The following MAP3K3 variants were observed in gnomAD, a reference collection of about 807,000 sequenced individuals.
MAP3K3 encodes MAP/ERK kinase kinase 3.
In MAP3K3, 12 loss-of-function variants were observed where a neutral mutation model predicts 80.9. The ratio of observed to expected loss-of-function variants is 0.15; its 90% CI spans 0.10 to 0.24. The LOEUF (loss-of-function observed/expected upper bound fraction) is 0.24, where lower values mean the gene tolerates loss of function less well. Ranked by LOEUF, MAP3K3 falls within the 10% of genes least tolerant of loss-of-function variation. The pLI, the probability that MAP3K3 is intolerant of heterozygous loss-of-function variation, is 1.00. For synonymous variants in MAP3K3, 272 were observed against 307.1 expected (o/e 0.89, Z 1.19); for missense variants, 596 against 834.7 (o/e 0.71, Z 3.52).
At chr17:63,640,397 AGT>A (rs1243311448) in intron 2 of MAP3K3, among the ~76,000 whole-genome samples, 1 of 152,098 alleles carries the variant, frequency 6.6e-6, no homozygotes, top group Non-Finnish European at 1.5e-5. Context: ...AAACCTCAAG[AGT>A]GTGTGAGGTA....
At position 63,690,259 on chromosome 17, in the gene MAP3K3, T is replaced by C. The variant is rs1288360786; in HGVS notation, c.1064-5T>C. 1 of 1,613,382 alleles carries C rather than the reference T, an allele frequency of 6.2e-7. No homozygotes were observed. The highest frequency in any genetic ancestry group is 1.1e-5 in the South Asian group (1 of 90,994). On this transcript the variant is annotated splice_region_variant and splice_polypyrimidine_tract_variant and intron_variant, in intron 11 of 15. Transcript: ENST00000361733. The stretch of plus-strand genomic sequence containing the variant: ...AAGTAACTCTTTCCTTCTGCTCTCC[T>C]GTAGCTCCCAGTGCCCCCATCAACT...
At chr17:63,647,243 GT>G (rs1236191354) in intron 3 of MAP3K3, among the ~76,000 whole-genome samples, 5 of 152,204 alleles carry the variant, frequency 3.3e-5, no homozygotes, top group African/African-American at 1.2e-4. Context: ...TCCTATGTGA[GT>G]TCCAGGCCTG....
intron 2 of MAP3K3, chr17:63,634,719 A>T: frequency 6.2e-7 from 1 of 1,613,054 alleles, no homozygotes; most frequent in South Asian, 1.1e-5. Context: ...AAAAAACACA[A>T]CAGCAGCAGC....
rs372612179 is a variant in MAP3K3 at position 63,638,035 on chromosome 17, G to GCT, written c.126+5236_126+5237dup. Reference sequence around the variant, plus strand: ...TTTTGCTTTCAGTGTGAAAGACCTGGCTCTTCAGGACCTCCCTTCTCTTTC... The same window carrying GCT: ...TTTTGCTTTCAGTGTGAAAGACCTGGCTCTCTTCAGGACCTCCCTTCTCTTTC... On this transcript the variant is annotated intron_variant, in intron 2 of 15. Transcript: ENST00000361733. Among the ~76,000 whole-genome samples, 122 of 152,252 alleles carry GCT rather than the reference G, an allele frequency of 8.0e-4. 1 individual carries two copies. The highest frequency in any genetic ancestry group is 2.9e-3 in the African/African-American group (121 of 41,550).
rs1428841903 is a variant in MAP3K3 at position 63,694,649 on chromosome 17, TTG to T, written c.*874_*875del. On this transcript the variant is annotated 3_prime_UTR_variant, in exon 16 of 16. Coordinates refer to ENST00000361733, the MANE Select transcript of MAP3K3 (RefSeq NM_002401.5). ...GGCCTTTGCGCTCCTGGCCCAGCCT[TTG>T]TTCCCCACTGGAGCAGAAGGGGAGA... 2 of 152,716 alleles carry T rather than the reference TTG, an allele frequency of 1.3e-5. No individual in the cohort carries two copies. The highest frequency in any genetic ancestry group is 2.9e-5 in the Non-Finnish European group (2 of 68,144). 9.5% of individuals were successfully genotyped at this position (152,716 alleles called of 1,614,324 possible). A position where few individuals can be genotyped will look rare whatever the true frequency, so the allele number is the denominator to read the frequency against.
chr17:63,646,892 T>C (rs2034551558), intron 3 of MAP3K3, among the ~76,000 whole-genome samples: 1 of 152,160 alleles, frequency 6.6e-6, no homozygotes, highest in Admixed American at 6.5e-5. Flanking sequence ...TTTCGGTGTT[T>C]TTTCCACTCT....
chr17:63,627,937 A>T (rs1464804606), intron 1 of MAP3K3, among the ~76,000 whole-genome samples: 1 of 139,802 alleles, frequency 7.2e-6, no homozygotes, highest in African/African-American at 2.7e-5. Context: ...CAGAGTCTCT[A>T]CTCTGTCGCC....
intron 2 of MAP3K3, among the ~76,000 whole-genome samples, chr17:63,633,721 C>T (rs574396190): frequency 1.3e-5 from 2 of 152,276 alleles, no homozygotes; most frequent in East Asian, 3.9e-4. Context: ...CTTTGTTCTG[C>T]AGAGAGGAGT....
intron 2 of MAP3K3, among the ~76,000 whole-genome samples, chr17:63,634,444 G>GAA (rs749143580): frequency 3.3e-5 from 5 of 152,162 alleles, no homozygotes; most frequent in Non-Finnish European, 7.4e-5. Context: ...ATGGTTCCTT[G>GAA]AAGGAGGATT....
intron 6 of MAP3K3, chr17:63,668,290 C>A (rs1048358422): frequency 6.6e-6 from 1 of 152,222 alleles, no homozygotes; most frequent in African/African-American, 2.4e-5. Flanking sequence ...GAGGTACTGA[C>A]TTTGCCTTAC....
intron 4 of MAP3K3, among the ~76,000 whole-genome samples, chr17:63,653,264 A>C (rs772489257): frequency 2.0e-5 from 3 of 152,216 alleles, no homozygotes; most frequent in Non-Finnish European, 4.4e-5. Context: ...TCCCAGCTCC[A>C]AGAAGAATAT....
chr17:63,623,852 C>T (rs1358561065), intron 1 of MAP3K3, among the ~76,000 whole-genome samples: 1 of 152,134 alleles, frequency 6.6e-6, no homozygotes, highest in East Asian at 1.9e-4. Context: ...GTGAAGTGCC[C>T]CATGTGAAGA....
intron 6 of MAP3K3, among the ~76,000 whole-genome samples, chr17:63,674,418 T>C (rs2035174676): frequency 2.6e-5 from 4 of 151,934 alleles, no homozygotes; most frequent in Admixed American, 2.6e-4. Context: ...CAGGCTGGAG[T>C]GCAGTGGTGC....
chr17:63,674,790 G>T (rs925778165), intron 6 of MAP3K3, among the ~76,000 whole-genome samples: 1 of 152,124 alleles, frequency 6.6e-6, no homozygotes, highest in Non-Finnish European at 1.5e-5. Context: ...TCCAGGTAGA[G>T]GGTTTATAAT....
At chr17:63,685,745 T>C (rs925181434) in intron 8 of MAP3K3, among the ~76,000 whole-genome samples, 155 bp downstream of exon 8, 4 of 152,242 alleles carry the variant, frequency 2.6e-5, no homozygotes, top group African/African-American at 7.2e-5. Context: ...GAGAATGTTA[T>C]GATGGCATAA....
At chr17:63,660,103 A>C (rs942199340) in intron 5 of MAP3K3, among the ~76,000 whole-genome samples, 1 of 152,212 alleles carries the variant, frequency 6.6e-6, no homozygotes, top group African/African-American at 2.4e-5. Flanking sequence ...CCTGGTCTTC[A>C]TCACCTCCGC....
rs2035593699 is a variant in MAP3K3, at chr17:63,691,674, G to A, written c.1345-59G>A. The A allele has an allele frequency of 2.5e-6, 4 of 1,585,502 alleles. No homozygotes were observed. The Admixed American group carries it at 5.1e-5, about 20-fold the overall frequency. On this transcript the variant is annotated intron_variant, in intron 13 of 15. Coordinates refer to ENST00000361733, the MANE Select transcript of MAP3K3 (RefSeq NM_002401.5). This position sits in a 1 kb window ranked among gnomAD's most constrained non-coding sequence, Gnocchi z 4.8. ...GCTGCCATGCTGGGGGCTGGAATGG[G>A]CTTGCCCCTCCACCAGCCCTCCCCT... is the stretch of plus-strand genomic sequence containing the variant.
intron 6 of MAP3K3, 52 bp downstream of exon 6, chr17:63,667,112 T>G (rs2035015978): frequency 6.6e-7 from 1 of 1,515,738 alleles, no homozygotes; most frequent in Non-Finnish European, 8.8e-7. Flanking sequence ...GCCCACATTT[T>G]AAAAAAGCAA....
chr17:63,633,003 G>A (rs950692801), intron 2 of MAP3K3, among the ~76,000 whole-genome samples: 1 of 152,112 alleles, frequency 6.6e-6, no homozygotes, highest in African/African-American at 2.4e-5. Context: ...CGAGGCAGGC[G>A]GATCACCTGA....
Sources: allele counts gnomAD v4.1 joint callset (sites outside exome capture counted in the v4.1 genomes callset), GRCh38; gene constraint gnomAD v4.1.1; non-coding constraint Gnocchi (gnomAD v3.1); transcripts MANE v1.5; gene names NCBI Gene and HGNC (gene_info 2026-07-23, HGNC 2026-07-21).